PRKN: variants seen among roughly 807,000 people sequenced by gnomAD.
PRKN encodes the protein E3 ubiquitin-protein ligase parkin.
A neutral mutation model predicts 59.5 loss-of-function variants in PRKN; 56 were observed. The ratio of observed to expected loss-of-function variants is 0.94; its 90% CI spans 0.76 to 1.18. PRKN has a LOEUF of 1.18. Among genes scored for constraint, PRKN ranks in the 50% most tolerant of loss-of-function variants. The pLI is 0.00. For synonymous variants in PRKN, 250 were observed against 222.1 expected (o/e 1.13, Z -1.12); for missense variants, 657 against 596.4 (o/e 1.10, Z -1.06).
At chr6:162,713,449 G>C (rs1041660223) in intron 1 of PRKN, among the ~76,000 whole-genome samples, 1 of 139,668 alleles carries the variant, frequency 7.2e-6, no homozygotes, top group African/African-American at 2.8e-5. Context: ...AGCCAAGATC[G>C]CGCCACCGCA....
Position 162,439,360 on chromosome 6 carries a change from C to A in PRKN, c.171+3950G>T, listed in dbSNP as rs187131988. 2.0e-3 allele frequency among the ~76,000 whole-genome samples: 298 copies of A among 149,528 alleles called. 2 individuals are homozygous for A. The highest frequency in any genetic ancestry group is 7.1e-3 in the African/African-American group (285 of 40,424). On this transcript the variant is annotated intron_variant, in intron 2 of 11. Coordinates refer to ENST00000366898, the MANE Select transcript of PRKN (RefSeq NM_004562.3). The stretch of plus-strand genomic sequence containing the variant: ...CTCCCTTCTCTCTCTCTCTCTCTCT[C>A]TCTCTGCCCCTCCCTTCCTCTCTGC...
intron 3 of PRKN, among the ~76,000 whole-genome samples, chr6:162,258,807 C>G (rs558926795): frequency 6.6e-6 from 1 of 152,318 alleles, no homozygotes; most frequent in African/African-American, 2.4e-5. Flanking sequence ...CTTTGACGTC[C>G]TCTTACAAGT....
intron 1 of PRKN, among the ~76,000 whole-genome samples, chr6:162,719,314 G>A (rs1416873902): frequency 2.0e-5 from 3 of 152,114 alleles, no homozygotes; most frequent in Non-Finnish European, 4.4e-5. Context: ...GCACCTCAGA[G>A]AACATGACCT....
intron 1 of PRKN, among the ~76,000 whole-genome samples, chr6:162,701,668 A>G (rs547879318): frequency 1.3e-5 from 2 of 152,056 alleles, no homozygotes; most frequent in Non-Finnish European, 2.9e-5. Flanking sequence ...CAAGCTTCCA[A>G]GATTGGAGCT....
intron 5 of PRKN, among the ~76,000 whole-genome samples, chr6:162,031,332 C>T (rs1006946035): frequency 7.2e-5 from 11 of 151,904 alleles, no homozygotes; most frequent in Admixed American, 2.6e-4. Flanking sequence ...GAGTGTCCAT[C>T]TGCTGCTGTG....
intron 7 of PRKN, among the ~76,000 whole-genome samples, chr6:161,659,626 C>T (rs1462473308): frequency 6.6e-6 from 1 of 151,982 alleles, no homozygotes; most frequent in Non-Finnish European, 1.5e-5. Flanking sequence ...TGGTGTCACT[C>T]GAGGGACTGG....
Position 161,503,458 on chromosome 6 carries a change from A to G in PRKN, c.1083+45396T>C, listed in dbSNP as rs1377939625. Among the ~76,000 whole-genome samples, 1 of 152,194 alleles carries G rather than the reference A, an allele frequency of 6.6e-6. No individual in the cohort carries two copies. The highest frequency in any genetic ancestry group is 1.5e-5 in the Non-Finnish European group (1 of 68,040). On this transcript the variant is annotated intron_variant, in intron 9 of 11. Coordinates refer to ENST00000366898, the MANE Select transcript of PRKN (RefSeq NM_004562.3). The surrounding 1 kb of genome is among the most constrained non-coding windows in gnomAD (Gnocchi z 5.1). Reference sequence around the variant, plus strand: ...TTCATCCTAAATAACCTCTGCCACTAAATAACCTTTGCCCCCACTGCACTA... The same window carrying G: ...TTCATCCTAAATAACCTCTGCCACTGAATAACCTTTGCCCCCACTGCACTA...
At chr6:162,432,641 T>C (rs1043075087) in intron 2 of PRKN, among the ~76,000 whole-genome samples, 1 of 152,232 alleles carries the variant, frequency 6.6e-6, no homozygotes, top group Non-Finnish European at 1.5e-5. Flanking sequence ...TTCAGTGTAC[T>C]ACAAAATGAC....
intron 1 of PRKN, among the ~76,000 whole-genome samples, chr6:162,479,592 G>C (rs370993180): frequency 1.3e-4 from 20 of 152,082 alleles, no homozygotes; most frequent in Admixed American, 4.6e-4. Context: ...GCTTAGAGAG[G>C]GTCAAGATCA....
intron 1 of PRKN, among the ~76,000 whole-genome samples, chr6:162,659,062 T>C (rs1317110387): frequency 6.6e-6 from 1 of 152,226 alleles, no homozygotes; most frequent in Non-Finnish European, 1.5e-5. Context: ...TTTCAAAGTA[T>C]AACTTTTTAT....
intron 2 of PRKN, among the ~76,000 whole-genome samples, chr6:162,413,242 A>C (rs1024634485): frequency 6.6e-6 from 1 of 152,044 alleles, no homozygotes; most frequent in Non-Finnish European, 1.5e-5. Flanking sequence ...CTCAGTCCTT[A>C]ATATCCTGGA....
chr6:162,234,850 G>C (rs1038254275), intron 3 of PRKN, among the ~76,000 whole-genome samples: 1 of 152,192 alleles, frequency 6.6e-6, no homozygotes, highest in East Asian at 1.9e-4. Context: ...AACAGGCTAT[G>C]TGGACTTCAG....
intron 7 of PRKN, among the ~76,000 whole-genome samples, chr6:161,750,098 CATATATATATAT>C (rs72125109): frequency 0.014 from 1,964 of 145,184 alleles, 30 homozygotes; most frequent in Middle Eastern, 0.058. Flanking sequence ...ACACATAGGA[CATATATATATAT>C]ATATATATAC....
chr6:161,877,636 TC>T (rs1319689285), intron 6 of PRKN, among the ~76,000 whole-genome samples: 1 of 151,546 alleles, frequency 6.6e-6, no homozygotes, highest in East Asian at 1.9e-4. Context: ...ATTTTTTTTT[TC>T]TTTTGTATTT....
intron 2 of PRKN, among the ~76,000 whole-genome samples, chr6:162,310,147 A>T (rs764702162): frequency 6.6e-6 from 1 of 152,184 alleles, no homozygotes; most frequent in Admixed American, 6.5e-5. Context: ...GAGAGTAATG[A>T]AAGATAAGAG....
intron 4 of PRKN, among the ~76,000 whole-genome samples, chr6:162,176,843 GAA>G (rs1316806637): frequency 1.3e-5 from 2 of 151,082 alleles, no homozygotes; most frequent in South Asian, 2.1e-4. Flanking sequence ...GGAGCAGAGA[GAA>G]ATGCTCAATA....
chr6:162,105,638 G>T (rs1780164220), intron 4 of PRKN, among the ~76,000 whole-genome samples: 1 of 152,160 alleles, frequency 6.6e-6, no homozygotes, highest in Non-Finnish European at 1.5e-5. Context: ...GACCTCACGT[G>T]ATCCACCTGC....
chr6:162,626,829 A>AAAAAAC (rs1554255692), intron 1 of PRKN, among the ~76,000 whole-genome samples: 1 of 151,608 alleles, frequency 6.6e-6, no homozygotes. Flanking sequence ...AAAAAAAAAA[A>AAAAAAC]ATTTAACTGA....
intron 6 of PRKN, among the ~76,000 whole-genome samples, chr6:161,797,172 T>C (rs1313284773): frequency 6.6e-6 from 1 of 152,182 alleles, no homozygotes; most frequent in Non-Finnish European, 1.5e-5. Flanking sequence ...GCACAAACAA[T>C]TGTGTACCGG....
Sources: allele counts gnomAD v4.1 joint callset (sites outside exome capture counted in the v4.1 genomes callset), GRCh38; gene constraint gnomAD v4.1.1; non-coding constraint Gnocchi (gnomAD v3.1); transcripts MANE v1.5; gene names NCBI Gene and HGNC (gene_info 2026-07-23, HGNC 2026-07-21).